AMMECR1: variants seen among roughly 807,000 people sequenced by gnomAD.
AMMECR1 encodes nuclear protein AMMECR1.
AMMECR1 carries 3 observed loss-of-function variants against 22.5 expected under a neutral mutation model. The ratio of observed to expected loss-of-function variants is 0.13; its 90% CI spans 0.06 to 0.35. The LOEUF (loss-of-function observed/expected upper bound fraction) is 0.35, where lower values mean the gene tolerates loss of function less well. Among genes scored for constraint, AMMECR1 ranks in the 10% least tolerant of loss-of-function variants. AMMECR1 has a pLI of 1.00. For synonymous variants in AMMECR1, 130 were observed against 116.7 expected, an observed-to-expected ratio of 1.11 and a Z score of -0.74; for missense variants, 235 against 278.7, an observed-to-expected ratio of 0.84 and a Z score of 1.12.
At chrX:110,403,690 G>A (rs2068579913) in intron 2 of AMMECR1, among the ~76,000 whole-genome samples, 1 of 111,974 alleles carries the variant, frequency 8.9e-6, no homozygotes, top group Admixed American at 9.4e-5. Context: ...GAGAGCCTTT[G>A]TACGTTTATG....
chrX:110,228,447 C>G (rs1246387454), intron 2 of AMMECR1, among the ~76,000 whole-genome samples: 3 of 111,412 alleles, frequency 2.7e-5, no homozygotes, highest in Non-Finnish European at 3.8e-5. Flanking sequence ...CACAAAACTA[C>G]TTAGAAATCA....
chrX:110,415,698 T>G (rs1243128029), intron 2 of AMMECR1, among the ~76,000 whole-genome samples: 1 of 111,192 alleles, frequency 9.0e-6, no homozygotes, highest in East Asian at 2.8e-4. Context: ...TCCAAGCTCC[T>G]GGGTTGAGGT....
chrX:110,281,103 T>A (rs2067850304), intron 1 of AMMECR1, among the ~76,000 whole-genome samples: 1 of 112,487 alleles, frequency 8.9e-6, no homozygotes, highest in African/African-American at 3.2e-5. Context: ...CACTTATGAA[T>A]CATTTTAATT....
intron 1 of AMMECR1, among the ~76,000 whole-genome samples, chrX:110,436,145 A>G (rs1321499638): frequency 8.9e-6 from 1 of 112,556 alleles, no homozygotes; most frequent in African/African-American, 3.2e-5. Context: ...TGGAGTTTAG[A>G]TAAGTGAAAC....
At chrX:110,408,712 C>G (rs755831886) in intron 2 of AMMECR1, among the ~76,000 whole-genome samples, 3 of 112,114 alleles carry the variant, frequency 2.7e-5, no homozygotes, top group Non-Finnish European at 5.6e-5. Context: ...TATAACATAT[C>G]AGTTTGTGTC....
intron 2 of AMMECR1, among the ~76,000 whole-genome samples, chrX:110,386,254 G>C (rs1261903280): frequency 9.1e-6 from 1 of 109,885 alleles, no homozygotes; most frequent in Admixed American, 9.6e-5. Flanking sequence ...TCCAGTAGTG[G>C]GAATGATGGT....
intron 1 of AMMECR1, among the ~76,000 whole-genome samples, chrX:110,306,119 AAAAC>A (rs1327223679): frequency 3.6e-5 from 4 of 110,287 alleles, no homozygotes; most frequent in Admixed American, 9.6e-5. Flanking sequence ...GTCTCTACTA[AAAAC>A]AAACAAACAA....
chrX:110,381,100 A>G (rs2068415558), intron 2 of AMMECR1, among the ~76,000 whole-genome samples: 1 of 112,262 alleles, frequency 8.9e-6, no homozygotes, highest in South Asian at 3.7e-4. Flanking sequence ...GTGGGATCTA[A>G]TTAAACCAAA....
At position 110,224,969 on chromosome X, in the gene AMMECR1, T is replaced by TA. The variant is rs754061800; in HGVS notation, c.585-8338dup. The TA allele has an allele frequency of 2.6e-5, 9 of 348,124 alleles. No homozygotes were observed. In the East Asian group the frequency reaches 3.1e-4, roughly 12 times the overall value. The allele number at this position is 348,124 out of a possible 1,213,427, so 28.7% of individuals were successfully genotyped here. A position where few individuals can be genotyped will look rare whatever the true frequency, so the allele number is the denominator to read the frequency against. On this transcript the variant is annotated intron_variant, in intron 2 of 5. Transcript: ENST00000262844. ...AAAATTAGTTTTTCGTTTTTTAAATTAAAAAAAATCCATAGAATCCCTTCA... is the reference window on the plus strand; with the variant it reads ...AAAATTAGTTTTTCGTTTTTTAAATTAAAAAAAAATCCATAGAATCCCTTCA...
At chrX:110,407,791 C>T (rs1168649554) in intron 2 of AMMECR1, among the ~76,000 whole-genome samples, 4 of 112,457 alleles carry the variant, frequency 3.6e-5, no homozygotes, top group Non-Finnish European at 7.5e-5. Context: ...GAAGGTCTGA[C>T]TCTCATTTTC....
At position 110,198,539 on chromosome X, in the gene AMMECR1, G is replaced by A; in HGVS notation, c.983C>T (p.Pro328Leu). Residue 328 changes from proline (P) to leucine (L), a missense_variant, in exon 6 of 6, where the codon CCA (proline) becomes CTA (leucine). By Grantham distance (98) the Pro-to-Leu change is moderately conservative (BLOSUM62 -3). Coordinates refer to ENST00000262844, the MANE Select transcript of AMMECR1 (RefSeq NM_015365.3). ...FQNGIGHPLPPYNHYS is the reference protein window; with the variant it reads ...FQNGIGHPLPLYNHYS ...TCAGTGTCAGGAATAATGGTTGTAT[G>A]GCGGAAGGGGATGCCCAATGCCATT... is the stretch of plus-strand genomic sequence containing the variant. 1.7e-6 allele frequency: 2 copies of A among 1,190,352 alleles called. No homozygotes were observed. Among genetic ancestry groups the A allele is most frequent in the Admixed American group, 2.2e-5 (1 of 44,596 alleles).
intron 2 of AMMECR1, among the ~76,000 whole-genome samples, chrX:110,336,877 T>C (rs2068143772): frequency 9.0e-6 from 1 of 111,611 alleles, no homozygotes; most frequent in South Asian, 3.8e-4. Context: ...CCCCCAGGAA[T>C]GAGAGATAGA....
At chrX:110,365,137 C>A (rs946256880) in intron 2 of AMMECR1, among the ~76,000 whole-genome samples, 9 of 111,764 alleles carry the variant, frequency 8.1e-5, no homozygotes, top group African/African-American at 2.9e-4. Context: ...AGATTGTGGT[C>A]AGTTTGTGGG....
intron 1 of AMMECR1, among the ~76,000 whole-genome samples, chrX:110,434,290 C>A (rs962114210): frequency 1.8e-5 from 2 of 111,444 alleles, no homozygotes; most frequent in Non-Finnish European, 3.8e-5. Flanking sequence ...GTTCTGTGAG[C>A]AAGAGGGAGC....
At chrX:110,421,314 A>G (rs921594174) in intron 2 of AMMECR1, among the ~76,000 whole-genome samples, 1 of 112,615 alleles carries the variant, frequency 8.9e-6, no homozygotes, top group Non-Finnish European at 1.9e-5. Flanking sequence ...GGAGTTGTAC[A>G]CCCTAGTGGC....
chrX:110,362,799 T>G (rs753521995), intron 2 of AMMECR1, among the ~76,000 whole-genome samples: 1 of 112,413 alleles, frequency 8.9e-6, no homozygotes, highest in Admixed American at 9.5e-5. Context: ...CATTATTTTA[T>G]ATAGTCTTCC....
intron 4 of AMMECR1, 114 bp downstream of exon 4, chrX:110,202,332 T>A (rs970495150): frequency 1.8e-6 from 1 of 543,960 alleles, no homozygotes; most frequent in Non-Finnish European, 3.0e-6. Flanking sequence ...AGTCACTTCT[T>A]ATAATTTGAC....
At chrX:110,378,561 T>C (rs2068395574) in intron 2 of AMMECR1, among the ~76,000 whole-genome samples, 1 of 112,443 alleles carries the variant, frequency 8.9e-6, no homozygotes, top group Non-Finnish European at 1.9e-5. Flanking sequence ...CTTTCTTTTC[T>C]AGCTTCTTTC....
At chrX:110,433,976 A>G (rs1281068618) in intron 1 of AMMECR1, among the ~76,000 whole-genome samples, 1 of 111,576 alleles carries the variant, frequency 9.0e-6, no homozygotes, top group African/African-American at 3.3e-5. Context: ...CGAGGCACAC[A>G]TAAGCCCTCA....
Sources: gnomAD v4.1 joint callset for allele counts (sites outside exome capture counted in the v4.1 genomes callset) on GRCh38, gnomAD v4.1.1 for gene constraint, MANE v1.5 for transcripts, NCBI Gene and HGNC (gene_info 2026-07-23, HGNC 2026-07-21) for gene names.